Variants in NUMA1 observed in about 807,000 individuals in gnomAD.
NUMA1 encodes SP-H antigen.
A neutral mutation model predicts 237.1 loss-of-function variants in NUMA1; 62 were observed. The ratio of observed to expected loss-of-function variants is 0.26; its 90% CI spans 0.21 to 0.32. NUMA1 has a LOEUF of 0.32. Ranked by LOEUF, NUMA1 falls within the 10% of genes least tolerant of loss-of-function variation. The probability of loss-of-function intolerance (pLI) is 1.00; values close to 1 mark genes in which losing one functional copy is unlikely to be tolerated. For missense variants in NUMA1, 2,533 were observed against 2,666.5 expected, an observed-to-expected ratio of 0.95 and a Z score of 1.10; for synonymous variants, 1,028 against 1,066.1, an observed-to-expected ratio of 0.96 and a Z score of 0.70.
intron 16 of NUMA1, among the ~76,000 whole-genome samples, chr11:72,011,266 T>G (rs1423103841): frequency 1.3e-5 from 2 of 152,052 alleles, no homozygotes; most frequent in African/African-American, 4.8e-5. Context: ...TTCCCATGCC[T>G]CCCTCCCAGA....
chr11:72,007,362 G>A lies in NUMA1; in HGVS notation c.5290C>T (p.Pro1764Ser). The change falls in exon 21 of 27, where the codon CCC (proline) becomes TCC (serine). Residue 1764 changes from proline to serine, a missense_variant. Coordinates refer to ENST00000393695, the MANE Select transcript of NUMA1 (RefSeq NM_006185.4). ...EPASPISQRL[P>S]PKVESLESLY... ...CTCTCCAGGGATTCTACCTTGGGGG[G>A]CAGGCGCTGGGAGATAGGTGAGGCT... The A allele has an allele frequency of 5.6e-6, 9 of 1,613,694 alleles. No homozygotes were observed. Among genetic ancestry groups the A allele is most frequent in the South Asian group, 2.2e-5 (2 of 91,040 alleles).
chr11:72,035,932 G>A lies in NUMA1; in HGVS notation c.12C>T (p.His4=), dbSNP rs774186249. MTL[H]ATRGAALLSW... The stretch of plus-strand genomic sequence containing the variant: ...AGAGGAGTGCAGCCCCCCGGGTGGC[G>A]TGGAGTGTCATCTTGGTGATGCCAG... Residue 4 remains histidine (H), a synonymous_variant, in exon 3 of 27, where the codon CAC becomes CAT. Transcript: ENST00000393695. 238 of 1,613,884 alleles carry A rather than the reference G, an allele frequency of 1.5e-4. No homozygotes were observed. Among genetic ancestry groups the A allele is most frequent in the Non-Finnish European group, 1.9e-4 (223 of 1,179,972 alleles).
At chr11:72,011,942 G>A (rs566076908) in intron 16 of NUMA1, among the ~76,000 whole-genome samples, 6 of 152,286 alleles carry the variant, frequency 3.9e-5, no homozygotes, top group African/African-American at 1.4e-4. Context: ...ACCTGTGGGG[G>A]CTGCCTCGCA....
At position 72,006,071 on chromosome 11, in the gene NUMA1, G is replaced by A. The variant is rs368954884; in HGVS notation, c.5656C>T (p.Arg1886Cys). The A allele has an allele frequency of 2.2e-4, 358 of 1,613,506 alleles. 1 individual carries two copies. The highest frequency in any genetic ancestry group is 2.8e-4 in the Non-Finnish European group (336 of 1,179,664). ...CCACTGGACACCCCGGCCTGGGAACGACGAGCAGAACTGCGAGTGGTGGGG... is the reference window on the plus strand; with the variant it reads ...CCACTGGACACCCCGGCCTGGGAACAACGAGCAGAACTGCGAGTGGTGGGG... ...YRPTTRSSAR[R>C]SQAGVSSGAP... Residue 1886 changes from arginine to cysteine, a missense_variant, in exon 22 of 27, where the codon CGT becomes TGT. By Grantham distance (180) the Arg-to-Cys change is radical. Transcript: ENST00000393695.
intron 3 of NUMA1, among the ~76,000 whole-genome samples, chr11:72,030,405 G>A (rs1565245340): frequency 6.6e-6 from 1 of 151,970 alleles, no homozygotes; most frequent in Non-Finnish European, 1.5e-5. Flanking sequence ...ATAGGAGCTG[G>A]GAATTTCAAA....
rs114075420 is a variant in NUMA1 at position 72,031,404 on chromosome 11, A to G, written c.43-2114T>C. On this transcript the variant is annotated intron_variant, in intron 3 of 26. Coordinates refer to ENST00000393695, the MANE Select transcript of NUMA1 (RefSeq NM_006185.4). ...ATTTGTATTTCTTAATAGTTAAGTTAGCTGCATGCACTATAGAATTAAGAG... is the reference window on the plus strand; with the variant it reads ...ATTTGTATTTCTTAATAGTTAAGTTGGCTGCATGCACTATAGAATTAAGAG... Among the ~76,000 whole-genome samples, 1,479 of 152,368 alleles carry G rather than the reference A, an allele frequency of 9.7e-3. 25 individuals carry two copies. Among genetic ancestry groups the G allele is most frequent in the African/African-American group, 0.034 (1,400 of 41,590 alleles).
Position 72,003,923 on chromosome 11 carries a change from A to G in NUMA1, c.6300T>C (p.Ala2100=), listed in dbSNP as rs773756213. 43 of 1,613,038 alleles carry G rather than the reference A, an allele frequency of 2.7e-5. No individual in the cohort carries two copies. The highest frequency in any genetic ancestry group is 3.4e-5 in the Non-Finnish European group (40 of 1,179,730). Residue 2100 remains alanine, a synonymous_variant, in exon 26 of 27, where the codon GCT becomes GCC. Coordinates refer to ENST00000393695, the MANE Select transcript of NUMA1 (RefSeq NM_006185.4). Reference sequence around the variant, plus strand: ...CTCGAGGGGTGGCACCAATGGCGGCAGCAGTGGCGGCGCTGGCTGTGGTGG... The same window carrying G: ...CTCGAGGGGTGGCACCAATGGCGGCGGCAGTGGCGGCGCTGGCTGTGGTGG... ...IATTTASAAT[A]AAIGATPRAK...
chr11:72,010,811 C>G lies in NUMA1; in HGVS notation c.4694G>C (p.Ser1565Thr), dbSNP rs749080977. 6.2e-7 allele frequency: 1 copy of G among 1,613,776 alleles called. No homozygotes were observed. Among genetic ancestry groups the G allele is most frequent in the Non-Finnish European group, 8.5e-7 (1 of 1,179,984 alleles). ...CTTCAGCTTCTGCTGCTGCACCTTGCTGGCTTGGTCAGAGTCAGCCAGTTT... is the reference window on the plus strand; with the variant it reads ...CTTCAGCTTCTGCTGCTGCACCTTGGTGGCTTGGTCAGAGTCAGCCAGTTT... ...SKKLADSDQA[S>T]KVQQQKLKAV... The change falls in exon 17 of 27, where the codon AGC becomes ACC. Residue 1565 changes from serine (S) to threonine (T), a missense_variant. By Grantham distance (58) the Ser-to-Thr change is moderately conservative. Coordinates refer to ENST00000393695, the MANE Select transcript of NUMA1 (RefSeq NM_006185.4).
At chr11:72,019,186 A>G (rs1938369344) in intron 9 of NUMA1, among the ~76,000 whole-genome samples, 1 of 151,922 alleles carries the variant, frequency 6.6e-6, no homozygotes, top group African/African-American at 2.4e-5. Context: ...TTTCTTTGTC[A>G]GAAAAAAAAA....
intron 2 of NUMA1, among the ~76,000 whole-genome samples, chr11:72,039,340 T>A (rs1941405352): frequency 6.6e-6 from 1 of 152,252 alleles, no homozygotes; most frequent in African/African-American, 2.4e-5. Flanking sequence ...GGGTCTGAGC[T>A]GCAGCAGCAC....
intron 2 of NUMA1, among the ~76,000 whole-genome samples, chr11:72,064,848 A>AC (rs5792574): frequency 0.89 from 135,331 of 152,134 alleles, 60,444 homozygotes; most frequent in Non-Finnish European, 0.95. Flanking sequence ...AAACAAACAA[A>AC]AAAAAGGCAG....
At chr11:72,025,085 A>C (rs567237597) in intron 4 of NUMA1, among the ~76,000 whole-genome samples, 2 of 152,142 alleles carry the variant, frequency 1.3e-5, no homozygotes, top group East Asian at 3.9e-4. Context: ...TTTAGTAGAG[A>C]TGGGGTTTCG....
intron 2 of NUMA1, among the ~76,000 whole-genome samples, chr11:72,053,387 T>C (rs1565278800): frequency 1.3e-5 from 2 of 152,240 alleles, no homozygotes; most frequent in Admixed American, 6.5e-5. Flanking sequence ...GCTGAATTCT[T>C]AGAAATCAGC....
rs1172279471 is a variant in NUMA1, at chr11:72,010,814, G to A, written c.4691C>T (p.Ala1564Val). ...LSKKLADSDQ[A>V]SKVQQQKLKA... ...CAGCTTCTGCTGCTGCACCTTGCTG[G>A]CTTGGTCAGAGTCAGCCAGTTTCTT... is the stretch of plus-strand genomic sequence containing the variant. The change falls in exon 17 of 27, where the codon GCC becomes GTC. Residue 1564 changes from alanine (A) to valine (V), a missense_variant. Coordinates refer to ENST00000393695, the MANE Select transcript of NUMA1 (RefSeq NM_006185.4). 1 of 1,613,814 alleles carries A rather than the reference G, an allele frequency of 6.2e-7. No homozygotes were observed. Among genetic ancestry groups the A allele is most frequent in the Non-Finnish European group, 8.5e-7 (1 of 1,179,974 alleles).
chr11:72,075,734 A>G (rs569546845), intron 1 of NUMA1, among the ~76,000 whole-genome samples: 9 of 152,256 alleles, frequency 5.9e-5, no homozygotes, highest in African/African-American at 2.2e-4. Flanking sequence ...TATGGAGTTC[A>G]CTCTATTGTG....
intron 22 of NUMA1, chr11:72,005,666 G>A (rs932294363): frequency 6.4e-5 from 32 of 500,782 alleles, no homozygotes; most frequent in Middle Eastern, 5.1e-4. Context: ...ATTAAGGACC[G>A]GGAATTAATT....
intron 16 of NUMA1, 70 bp from the exon 17 acceptor site, chr11:72,010,924 C>T: frequency 1.5e-6 from 2 of 1,357,148 alleles, no homozygotes; most frequent in Non-Finnish European, 2.1e-6. Context: ...GATGTCCACC[C>T]ATCATGGGGT....
intron 2 of NUMA1, chr11:72,067,386 G>C (rs1401687010): frequency 6.6e-6 from 1 of 152,178 alleles, no homozygotes. Flanking sequence ...AGGAAACAAA[G>C]TCTCTCAATC....
intron 1 of NUMA1, among the ~76,000 whole-genome samples, chr11:72,072,957 G>A (rs985986005): frequency 5.6e-5 from 8 of 143,090 alleles, no homozygotes; most frequent in Non-Finnish European, 1.1e-4. Flanking sequence ...TGAGGCAGGA[G>A]AATGGCGTGA....
Sources: gnomAD v4.1 joint callset for allele counts (sites outside exome capture counted in the v4.1 genomes callset) on GRCh38, gnomAD v4.1.1 for gene constraint, MANE v1.5 for transcripts, NCBI Gene and HGNC (gene_info 2026-07-23, HGNC 2026-07-21) for gene names.